The following CELF4 variants were observed in gnomAD, a reference collection of about 807,000 sequenced individuals.
CELF4 encodes CUGBP Elav-like family member 4.
A neutral mutation model predicts 59.9 loss-of-function variants in CELF4; 18 were observed. That is an observed-to-expected ratio of 0.30 (90% CI 0.21 to 0.45). CELF4 has a LOEUF of 0.45. Ranked by LOEUF, CELF4 falls within the 20% of genes least tolerant of loss-of-function variation. The probability of loss-of-function intolerance (pLI) is 1.00; values close to 1 mark genes in which losing one functional copy is unlikely to be tolerated. For missense variants in CELF4, 456 were observed against 689.0 expected (o/e 0.66, Z 3.79); for synonymous variants, 261 against 267.1 (o/e 0.98, Z 0.22).
chr18:37,314,185 G>A (rs607115), intron 3 of CELF4, among the ~76,000 whole-genome samples: 74,253 of 152,072 alleles, frequency 0.49, 18,213 homozygotes, highest in South Asian at 0.62. Flanking sequence ...GGTGGCTCAC[G>A]CCTATAATCC....
chr18:37,399,776 G>C (rs1429471767), intron 2 of CELF4, among the ~76,000 whole-genome samples: 1 of 152,228 alleles, frequency 6.6e-6, no homozygotes, highest in African/African-American at 2.4e-5. Context: ...GATTCAGTAA[G>C]ACGCTTGCCC....
chr18:37,485,279 TC>T (rs981910643), intron 2 of CELF4, among the ~76,000 whole-genome samples: 3 of 151,008 alleles, frequency 2.0e-5, no homozygotes, highest in African/African-American at 7.3e-5. Context: ...GACGCGCCGC[TC>T]CCCCGCCCCA....
chr18:37,501,508 A>G (rs1330326991), intron 1 of CELF4, among the ~76,000 whole-genome samples: 2 of 152,226 alleles, frequency 1.3e-5, no homozygotes, highest in African/African-American at 2.4e-5. Flanking sequence ...AGGCAGGGAA[A>G]TAGAAGAAGA....
intron 2 of CELF4, among the ~76,000 whole-genome samples, chr18:37,418,725 A>G (rs2154593371): frequency 6.6e-6 from 1 of 152,310 alleles, no homozygotes; most frequent in African/African-American, 2.4e-5. Context: ...AAATACTGTA[A>G]AGCACATGTC....
intron 2 of CELF4, among the ~76,000 whole-genome samples, chr18:37,324,332 T>C (rs2097222975): frequency 6.6e-6 from 1 of 151,984 alleles, no homozygotes; most frequent in Admixed American, 6.6e-5. Context: ...GTTATAAGAG[T>C]AGGGCCCTCA....
At chr18:37,297,121 G>T (rs2095695122) in intron 3 of CELF4, among the ~76,000 whole-genome samples, 1 of 152,182 alleles carries the variant, frequency 6.6e-6, no homozygotes. Context: ...TGGGAGGCCA[G>T]TGGAAAGGCC....
chr18:37,432,077 G>A (rs530555399), intron 2 of CELF4, among the ~76,000 whole-genome samples: 159 of 152,368 alleles, frequency 1.0e-3, no homozygotes, highest in African/African-American at 3.7e-3. Context: ...GTGAGGCTGG[G>A]AGCCCTGGCA....
At chr18:37,560,827 G>A (rs963766315) in intron 1 of CELF4, among the ~76,000 whole-genome samples, 5 of 152,076 alleles carry the variant, frequency 3.3e-5, no homozygotes, top group African/African-American at 4.8e-5. Flanking sequence ...ACAAAACAAC[G>A]AACCATCTTG....
At chr18:37,522,282 T>A (rs2099958359) in intron 1 of CELF4, among the ~76,000 whole-genome samples, 1 of 152,162 alleles carries the variant, frequency 6.6e-6, no homozygotes, top group Admixed American at 6.5e-5. Flanking sequence ...ATCTAAGAGT[T>A]AGCATAGTGA....
intron 1 of CELF4, among the ~76,000 whole-genome samples, chr18:37,515,150 T>C (rs1453507727): frequency 6.6e-6 from 1 of 152,222 alleles, no homozygotes; most frequent in African/African-American, 2.4e-5. Flanking sequence ...TCTCTCTTTG[T>C]CATCAAGCAG....
intron 2 of CELF4, among the ~76,000 whole-genome samples, chr18:37,425,685 T>G (rs1326581412): frequency 6.6e-6 from 1 of 152,252 alleles, no homozygotes; most frequent in Non-Finnish European, 1.5e-5. Flanking sequence ...AAAAAGCAGG[T>G]TCCTTTGGAG....
intron 3 of CELF4, among the ~76,000 whole-genome samples, chr18:37,302,566 G>T (rs997885350): frequency 2.6e-5 from 4 of 152,156 alleles, no homozygotes; most frequent in Non-Finnish European, 5.9e-5. Flanking sequence ...AAGACGCTGG[G>T]ATGACACTGG....
At chr18:37,296,032 T>G (rs1159036915) in intron 3 of CELF4, among the ~76,000 whole-genome samples, 4 of 152,204 alleles carry the variant, frequency 2.6e-5, no homozygotes, top group African/African-American at 2.4e-5. Context: ...CCCTGTCCCC[T>G]TCCTCTCTGC....
intron 12 of CELF4, among the ~76,000 whole-genome samples, chr18:37,248,945 T>C (rs1481003667): frequency 7.2e-6 from 1 of 139,006 alleles, no homozygotes; most frequent in Non-Finnish European, 1.5e-5. Context: ...GCTTTATGCT[T>C]TCCTGCAGGG....
At chr18:37,396,152 A>G (rs1251951360) in intron 2 of CELF4, among the ~76,000 whole-genome samples, 2 of 152,194 alleles carry the variant, frequency 1.3e-5, no homozygotes, top group Non-Finnish European at 2.9e-5. Context: ...GACTGCAAGA[A>G]GACTCTGACT....
intron 2 of CELF4, among the ~76,000 whole-genome samples, chr18:37,475,215 T>G (rs1052740094): frequency 5.3e-5 from 8 of 152,238 alleles, no homozygotes; most frequent in African/African-American, 1.9e-4. Context: ...CTCAAATGCT[T>G]GTCTACAGTC....
intron 2 of CELF4, among the ~76,000 whole-genome samples, chr18:37,405,092 A>ACCCC (rs113930814): frequency 6.6e-6 from 1 of 150,874 alleles, no homozygotes; most frequent in African/African-American, 2.4e-5. Context: ...GCAGGCCCCA[A>ACCCC]CCCCCCCCGT....
chr18:37,518,682 A>G (rs2099953718), intron 1 of CELF4, among the ~76,000 whole-genome samples: 1 of 152,080 alleles, frequency 6.6e-6, no homozygotes, highest in Non-Finnish European at 1.5e-5. Context: ...ACCTCAGGCA[A>G]TCTTGCTGGG....
At chr18:37,260,069 T>C (rs1311515114) in intron 10 of CELF4, among the ~76,000 whole-genome samples, 4 of 152,214 alleles carry the variant, frequency 2.6e-5, no homozygotes, top group African/African-American at 9.6e-5. Flanking sequence ...CCCTGTGACA[T>C]TATTATCATC....
Sources: allele counts gnomAD v4.1 joint callset (sites outside exome capture counted in the v4.1 genomes callset), GRCh38; gene constraint gnomAD v4.1.1; transcripts MANE v1.5; gene names NCBI Gene and HGNC (gene_info 2026-07-23, HGNC 2026-07-21).